SPATS2: variants seen among roughly 807,000 people sequenced by gnomAD.
SPATS2 encodes spermatogenesis associated serine rich 2, also known as spermatogenesis-associated serine-rich protein 2.
SPATS2 carries 38 observed loss-of-function variants against 63.7 expected under a neutral mutation model. The ratio of observed to expected loss-of-function variants is 0.60; its 90% CI spans 0.46 to 0.78. The LOEUF is 0.78. SPATS2 is among the 30% of genes least tolerant of loss of function. SPATS2 has a pLI of 0.00. For missense variants in SPATS2, 588 were observed against 666.2 expected (o/e 0.88, Z 1.29); for synonymous variants, 207 against 232.9 (o/e 0.89, Z 1.01).
In SPATS2 at chr12:49,384,980, T is replaced by C. The variant is rs191579511; in HGVS notation, c.-244+13690T>C. Among the ~76,000 whole-genome samples the C allele has an allele frequency of 2.5e-3, 373 of 152,206 alleles. 3 individuals are homozygous for C. Among genetic ancestry groups the C allele is most frequent in the Non-Finnish European group, 3.5e-3 (241 of 68,014 alleles). On this transcript the variant is annotated intron_variant, in intron 2 of 13. Transcript: ENST00000552918. ...GTGCGCCACCATGCCCAGCTAATTT[T>C]GTATTTTTAGTAGAGACGGGGTTTC...
chr12:49,521,906 C>A (rs967764090), intron 11 of SPATS2, among the ~76,000 whole-genome samples: 1 of 151,990 alleles, frequency 6.6e-6, no homozygotes, highest in Non-Finnish European at 1.5e-5. Context: ...TGGTTGCTTC[C>A]CGAGAATTCT....
intron 4 of SPATS2, among the ~76,000 whole-genome samples, chr12:49,488,127 C>T (rs1946325452): frequency 1.3e-5 from 2 of 151,944 alleles, no homozygotes; most frequent in Non-Finnish European, 2.9e-5. Flanking sequence ...TCACTGCAAC[C>T]TCCACCTCCC....
intron 6 of SPATS2, among the ~76,000 whole-genome samples, chr12:49,494,356 T>C (rs1175986974): frequency 1.3e-5 from 2 of 152,258 alleles, no homozygotes; most frequent in Non-Finnish European, 2.9e-5. Context: ...CATATCATTC[T>C]ATATGCTTAT....
chr12:49,453,129 C>G (rs914246422), intron 2 of SPATS2, among the ~76,000 whole-genome samples: 1 of 148,228 alleles, frequency 6.7e-6, no homozygotes, highest in Non-Finnish European at 1.5e-5. Context: ...ACTGCACTCC[C>G]ACCTGGGCTG....
chr12:49,430,062 T>A (rs1945155484), intron 2 of SPATS2, among the ~76,000 whole-genome samples: 1 of 150,868 alleles, frequency 6.6e-6, no homozygotes, highest in Non-Finnish European at 1.5e-5. Flanking sequence ...ATTACAGGCA[T>A]GAGCCACCAT....
chr12:49,468,759 G>A (rs1169626497), intron 3 of SPATS2, among the ~76,000 whole-genome samples: 3 of 152,152 alleles, frequency 2.0e-5, no homozygotes, highest in African/African-American at 7.2e-5. Context: ...TTACAGGTGT[G>A]AACCGCCACA....
intron 2 of SPATS2, among the ~76,000 whole-genome samples, chr12:49,434,623 G>C (rs1273894593): frequency 2.6e-5 from 4 of 152,118 alleles, no homozygotes; most frequent in Non-Finnish European, 5.9e-5. Flanking sequence ...CTACATGTCT[G>C]TTCTCTCATT....
intron 2 of SPATS2, among the ~76,000 whole-genome samples, chr12:49,432,113 C>T (rs563097450): frequency 2.0e-5 from 3 of 152,294 alleles, no homozygotes; most frequent in African/African-American, 7.2e-5. Context: ...TGTGAGGGGC[C>T]TGTTTGTCCA....
chr12:49,439,550 G>A (rs1310771944), intron 2 of SPATS2, among the ~76,000 whole-genome samples: 1 of 152,216 alleles, frequency 6.6e-6, no homozygotes, highest in Non-Finnish European at 1.5e-5. Context: ...TTTGGTTGTG[G>A]TATCTGAGGA....
At chr12:49,479,647 C>A (rs954656790) in intron 3 of SPATS2, among the ~76,000 whole-genome samples, 1 of 152,178 alleles carries the variant, frequency 6.6e-6, no homozygotes, top group Non-Finnish European at 1.5e-5. Flanking sequence ...TCCTGCTCCC[C>A]CTGCCACCCA....
chr12:49,494,878 C>T lies in SPATS2; in HGVS notation c.402C>T (p.Val134=), dbSNP rs761921363. 6.2e-7 allele frequency: 1 copy of T among 1,613,908 alleles called. No individual in the cohort carries two copies. The highest frequency in any genetic ancestry group is 1.1e-5 in the South Asian group (1 of 91,064). ...AAGGTGGTATGAATGGCTACCATGT[C>T]AATGGTGCCATCAATGACACTGAGT... ...SEKGGMNGYH[V]NGAINDTESV... Residue 134 remains valine, a synonymous_variant, in exon 7 of 14, where the codon GTC becomes GTT. Transcript: ENST00000552918.
At chr12:49,479,082 G>A (rs933050689) in intron 3 of SPATS2, among the ~76,000 whole-genome samples, 1 of 152,218 alleles carries the variant, frequency 6.6e-6, no homozygotes, top group African/African-American at 2.4e-5. Flanking sequence ...CCTCTCTGCA[G>A]CAGGTTGTCC....
At chr12:49,367,677 G>A (rs1943923205) in intron 1 of SPATS2, 90 bp downstream of exon 1, 5 of 357,278 alleles carry the variant, frequency 1.4e-5, no homozygotes, top group Non-Finnish European at 1.5e-5. Context: ...AAAAGAGGGA[G>A]GGGGTAGTTG....
chr12:49,472,814 C>G (rs764648133), intron 3 of SPATS2, among the ~76,000 whole-genome samples: 5 of 149,898 alleles, frequency 3.3e-5, no homozygotes, highest in Admixed American at 6.6e-5. Context: ...CTGAGGTGGT[C>G]GGATCCCTTG....
rs755240492 is a variant in SPATS2, at chr12:49,526,053, G to A, written c.1436G>A (p.Ser479Asn). The change falls in exon 14 of 14, where the codon AGC becomes AAC. Residue 479 changes from serine to asparagine, a missense_variant. By Grantham distance (46) the Ser-to-Asn change is conservative (BLOSUM62 1). Coordinates refer to ENST00000552918, the MANE Select transcript of SPATS2 (RefSeq NM_023071.4). ...GACAGTATGGGTCGTTACAGAAACA[G>A]CTCGTGGTATTCATCTGGTTCCAGG... ...RHDSMGRYRN[S>N]SWYSSGSRYQ... is the part of the protein sequence containing the mutation. The A allele has an allele frequency of 1.0e-4, 162 of 1,614,124 alleles. 3 individuals are homozygous for A. The South Asian group carries it at 1.7e-3, about 17-fold the overall frequency.
rs117922159 is a variant in SPATS2 at position 49,451,970 on chromosome 12, T to G, written c.-243-8800T>G. 3.0e-3 allele frequency among the ~76,000 whole-genome samples: 452 copies of G among 152,364 alleles called. 2 individuals are homozygous for G. Among genetic ancestry groups the G allele is most frequent in the Non-Finnish European group, 4.9e-3 (331 of 68,036 alleles). On this transcript the variant is annotated intron_variant, in intron 2 of 13. Transcript: ENST00000552918. ...CTTTTGCTTCTGATGAGAAGTCAGC[T>G]GTTAATGTTGCTTCCCTGTACATGA...
chr12:49,379,944 C>T (rs907303981), intron 2 of SPATS2, among the ~76,000 whole-genome samples: 2 of 152,010 alleles, frequency 1.3e-5, no homozygotes, highest in Non-Finnish European at 2.9e-5. Flanking sequence ...TTTTTCATCA[C>T]CCCCAAAGGA....
chr12:49,441,187 T>C (rs1270088883), intron 2 of SPATS2, among the ~76,000 whole-genome samples: 2 of 152,210 alleles, frequency 1.3e-5, no homozygotes, highest in African/African-American at 4.8e-5. Flanking sequence ...ATTTCCTTCT[T>C]ACTGCTACAT....
chr12:49,505,744 A>AT (rs1555192276), intron 9 of SPATS2, among the ~76,000 whole-genome samples: 1 of 152,190 alleles, frequency 6.6e-6, no homozygotes, highest in Admixed American at 6.5e-5. Flanking sequence ...CTGAAAATAA[A>AT]TGTATGTCTT....
Sources: allele counts gnomAD v4.1 joint callset (sites outside exome capture counted in the v4.1 genomes callset), GRCh38; gene constraint gnomAD v4.1.1; transcripts MANE v1.5; gene names NCBI Gene and HGNC (gene_info 2026-07-23, HGNC 2026-07-21).